SPEN: variants seen among roughly 807,000 people sequenced by gnomAD.
SPEN encodes msx2-interacting protein.
In SPEN, 18 loss-of-function variants were observed where a neutral mutation model predicts 269.9. The ratio of observed to expected loss-of-function variants is 0.07; its 90% CI spans 0.05 to 0.10. SPEN has a LOEUF of 0.10. SPEN is among the 10% of genes least tolerant of loss of function. The pLI is 1.00. For synonymous variants in SPEN, 1,726 were observed against 1,765.7 expected (o/e 0.98, Z 0.56); for missense variants, 3,822 against 4,631.2 (o/e 0.83, Z 5.07).
chr1:15,881,132 G>A (rs2070683616), intron 3 of SPEN, among the ~76,000 whole-genome samples: 1 of 152,056 alleles, frequency 6.6e-6, no homozygotes, highest in South Asian at 2.1e-4. Context: ...CTTACACCTT[G>A]CTAATTTTTA....
rs1227610893 is a variant in SPEN at position 15,936,255 on chromosome 1, A to G, written c.10015A>G (p.Thr3339Ala). The stretch of plus-strand genomic sequence containing the variant: ...TGTTGGCCTGCCTTCCCGGACCAAG[A>G]CAGCTGCTCAGGTGAGCCAGCCAGG... The part of the protein sequence containing the change: ...SSVGLPSRTK[T>A]AAQGPPPEGE... The change falls in exon 11 of 15, where the codon ACA (threonine) becomes GCA (alanine). Residue 3339 changes from threonine to alanine, a missense_variant. This residue lies in a region of SPEN where 359 missense variants were observed against 377.3 expected (regional missense o/e 0.95). Coordinates refer to ENST00000375759, the MANE Select transcript of SPEN (RefSeq NM_015001.3). 3.9e-6 allele frequency: 6 copies of G among 1,545,876 alleles called. No individual in the cohort carries two copies. Among genetic ancestry groups the G allele is most frequent in the Non-Finnish European group, 3.5e-6 (4 of 1,138,086 alleles).
chr1:15,860,899 C>CTTTTG (rs768720695), intron 1 of SPEN, among the ~76,000 whole-genome samples: 10 of 151,450 alleles, frequency 6.6e-5, no homozygotes, highest in Non-Finnish European at 1.2e-4. Context: ...TGTGCCCGGA[C>CTTTTG]TTTTGTTTTG....
At chr1:15,916,096 CT>C (rs1265219425) in intron 5 of SPEN, 31 bp from the exon 6 acceptor site, 6 of 1,584,434 alleles carry the variant, frequency 3.8e-6, no homozygotes, top group Non-Finnish European at 5.1e-6. Flanking sequence ...ATACTGTCTT[CT>C]CTTTTTACTC....
intron 3 of SPEN, among the ~76,000 whole-genome samples, chr1:15,904,988 A>G (rs993155610): frequency 6.0e-5 from 9 of 150,488 alleles, no homozygotes; most frequent in Non-Finnish European, 1.3e-4. Context: ...TCTTGGGTTC[A>G]AGTGATTCTC....
intron 2 of SPEN, 64 bp downstream of exon 2, chr1:15,873,200 T>C: frequency 5.3e-6 from 8 of 1,498,114 alleles, no homozygotes; most frequent in South Asian, 4.1e-5. Flanking sequence ...CAGAAACTCA[T>C]ATTTAGGGGC....
chr1:15,867,018 A>G (rs981846426), intron 1 of SPEN, among the ~76,000 whole-genome samples: 1 of 152,208 alleles, frequency 6.6e-6, no homozygotes, highest in Non-Finnish European at 1.5e-5. Flanking sequence ...AAATTTACCC[A>G]TTTAAAGTAT....
At chr1:15,892,146 G>A (rs61782228) in intron 3 of SPEN, among the ~76,000 whole-genome samples, 4 of 148,882 alleles carry the variant, frequency 2.7e-5, no homozygotes, top group Non-Finnish European at 4.4e-5. Context: ...TCAGCCTCCC[G>A]AGTAGCTGGG....
rs768292380 is a variant in SPEN at position 15,929,595 on chromosome 1, T to C, written c.3355T>C (p.Leu1119=). 5 of 1,614,086 alleles carry C rather than the reference T, an allele frequency of 3.1e-6. No individual in the cohort carries two copies. Among genetic ancestry groups the C allele is most frequent in the Non-Finnish European group, 4.2e-6 (5 of 1,179,984 alleles). The change falls in exon 11 of 15, where the codon TTA becomes CTA. Residue 1119 remains leucine, a synonymous_variant. Transcript: ENST00000375759. The surrounding 1 kb of genome is among the most constrained non-coding windows in gnomAD (Gnocchi z 5.8). The part of the protein sequence containing the change: ...SKPQLKQLQV[L]DDQGPEREDV... Reference sequence around the variant, plus strand: ...ACCACAGCTCAAACAGCTGCAGGTATTAGATGATCAAGGACCAGAGAGAGA... The same window carrying C: ...ACCACAGCTCAAACAGCTGCAGGTACTAGATGATCAAGGACCAGAGAGAGA...
Position 15,937,449 on chromosome 1 carries a change from C to G in SPEN, c.10313C>G (p.Ser3438Cys), listed in dbSNP as rs1557763908. 6.2e-7 allele frequency: 1 copy of G among 1,613,882 alleles called. No individual in the cohort carries two copies. Among genetic ancestry groups the G allele is most frequent in the Non-Finnish European group, 8.5e-7 (1 of 1,180,018 alleles). Reference sequence around the variant, plus strand: ...TCCTTCCCCTCCCCTGTGTCTGTCTCCATGAAGCCTGACCTTCCAGTCTCT... The same window carrying G: ...TCCTTCCCCTCCCCTGTGTCTGTCTGCATGAAGCCTGACCTTCCAGTCTCT... The part of the protein sequence containing the change: ...PTSFPSPVSV[S>C]MKPDLPVSLP... Residue 3438 changes from serine to cysteine, a missense_variant, in exon 12 of 15, where the codon TCC becomes TGC. By Grantham distance (112) the Ser-to-Cys change is moderately radical. Around this residue, in one of 16 missense-constraint regions of SPEN, gnomAD observed 359 missense variants for 377.3 expected, o/e 0.95. Coordinates refer to ENST00000375759, the MANE Select transcript of SPEN (RefSeq NM_015001.3). This position sits in a 1 kb window ranked among gnomAD's most constrained non-coding sequence, Gnocchi z 5.7.
chr1:15,927,670 C>G (rs76461794), intron 10 of SPEN, among the ~76,000 whole-genome samples: 260 of 152,082 alleles, frequency 1.7e-3, no homozygotes, highest in African/African-American at 6.1e-3. Context: ...GCCGGAGTTA[C>G]CAGAAACATT....
In SPEN at chr1:15,937,572, A is replaced by G. The variant is rs368713410; in HGVS notation, c.10436A>G (p.Gln3479Arg). 4.6e-5 allele frequency: 74 copies of G among 1,614,026 alleles called. No homozygotes were observed. Among genetic ancestry groups the G allele is most frequent in the Admixed American group, 8.3e-5 (5 of 60,002 alleles). The change falls in exon 12 of 15, where the codon CAG becomes CGG. Residue 3479 changes from glutamine (Q) to arginine (R), a missense_variant. Coordinates refer to ENST00000375759, the MANE Select transcript of SPEN (RefSeq NM_015001.3). The surrounding 1 kb of genome is among the most constrained non-coding windows in gnomAD (Gnocchi z 5.7). ...CTGGTTCTGCCACACACTGAATTCC[A>G]GCCAGCCCCCAAACAAGATTCCTCT... Reference protein sequence around the residue: ...PGLVLPHTEFQPAPKQDSSPH... With the variant: ...PGLVLPHTEFRPAPKQDSSPH...
Position 15,931,309 on chromosome 1 carries a change from C to T in SPEN, c.5069C>T (p.Ala1690Val), listed in dbSNP as rs1394638881. The T allele has an allele frequency of 6.2e-7, 1 of 1,614,172 alleles. No individual in the cohort carries two copies. The highest frequency in any genetic ancestry group is 1.7e-5 in the Admixed American group (1 of 60,026). ...GAAGCAAAGCCTGCATCTGAACCTG[C>T]TCCTGCCCCTGTGGAACAGCTGGAA... is the stretch of plus-strand genomic sequence containing the variant. Reference protein sequence around the residue: ...SEEAKPASEPAPAPVEQLEQV... With the variant: ...SEEAKPASEPVPAPVEQLEQV... Residue 1690 changes from alanine to valine, a missense_variant, in exon 11 of 15, where the codon GCT becomes GTT. Physicochemically the swap from Ala to Val is moderately conservative, Grantham distance 64. Coordinates refer to ENST00000375759, the MANE Select transcript of SPEN (RefSeq NM_015001.3). The surrounding 1 kb of genome is among the most constrained non-coding windows in gnomAD (Gnocchi z 4.8).
intron 3 of SPEN, among the ~76,000 whole-genome samples, chr1:15,898,558 C>CTTTTTTTTTTTTTTTTTTT (rs375319827): frequency 7.6e-6 from 1 of 131,976 alleles, no homozygotes. Flanking sequence ...TTCTTTTTTT[C>CTTTTTTTTTTTTTTTTTTT]TTTTTTTTTT....
chr1:15,861,150 T>G (rs2070444109), intron 1 of SPEN, among the ~76,000 whole-genome samples: 1 of 151,440 alleles, frequency 6.6e-6, no homozygotes, highest in Admixed American at 6.6e-5. Context: ...TTTTTTTTTT[T>G]GAGACGGAAT....
intron 3 of SPEN, among the ~76,000 whole-genome samples, chr1:15,905,027 T>TACAC (rs148136492): frequency 6.6e-6 from 1 of 150,492 alleles, no homozygotes; most frequent in African/African-American, 2.4e-5. Context: ...TAGCTGGGAT[T>TACAC]ACACACACAC....
chr1:15,895,691 T>TG (rs1354619650), intron 3 of SPEN, among the ~76,000 whole-genome samples: 46 of 150,682 alleles, frequency 3.1e-4, no homozygotes, highest in Non-Finnish European at 5.9e-4. Context: ...TTTTTTTTTT[T>TG]TTTTTTGGAG....
In SPEN at chr1:15,939,375, C is replaced by G. The variant is rs371461084; in HGVS notation, c.10943C>G (p.Ala3648Gly). ...HLSRLAPDLLASISNISPHLM... is the reference protein window; with the variant it reads ...HLSRLAPDLLGSISNISPHLM... ...TCCCGCCTGGCCCCTGACCTCCTTG[C>G]CAGCATCTCCAACATCTCTCCCCAC... Residue 3648 changes from alanine to glycine, a missense_variant, in exon 15 of 15, where the codon GCC becomes GGC. Physicochemically the swap from Ala to Gly is moderately conservative, Grantham distance 60. Coordinates refer to ENST00000375759, the MANE Select transcript of SPEN (RefSeq NM_015001.3). The surrounding 1 kb of genome is among the most constrained non-coding windows in gnomAD (Gnocchi z 4.1). The G allele has an allele frequency of 1.9e-6, 3 of 1,606,290 alleles. No homozygotes were observed. The African/African-American group carries it at 4.0e-5, about 22-fold the overall frequency.
chr1:15,902,668 T>G (rs1290451181), intron 3 of SPEN, among the ~76,000 whole-genome samples: 1 of 152,026 alleles, frequency 6.6e-6, no homozygotes, highest in African/African-American at 2.4e-5. Flanking sequence ...TAAATAAAAG[T>G]TAAAATAAAA....
In SPEN at chr1:15,939,376, C is replaced by T; in HGVS notation, c.10944C>T (p.Ala3648=). The change falls in exon 15 of 15, where the codon GCC becomes GCT. Residue 3648 remains alanine, a synonymous_variant. Coordinates refer to ENST00000375759, the MANE Select transcript of SPEN (RefSeq NM_015001.3). The surrounding 1 kb of genome is among the most constrained non-coding windows in gnomAD (Gnocchi z 4.1). ...HLSRLAPDLL[A]SISNISPHLM... ...CCCGCCTGGCCCCTGACCTCCTTGC[C>T]AGCATCTCCAACATCTCTCCCCACC... 6.2e-7 allele frequency: 1 copy of T among 1,606,630 alleles called. No homozygotes were observed. The highest frequency in any genetic ancestry group is 8.5e-7 in the Non-Finnish European group (1 of 1,176,490).
Sources: gnomAD v4.1 joint callset for allele counts (sites outside exome capture counted in the v4.1 genomes callset) on GRCh38, gnomAD v4.1.1 for gene constraint, gnomAD v4.1.1 regional missense constraint, Gnocchi (gnomAD v3.1) non-coding constraint, MANE v1.5 for transcripts, NCBI Gene and HGNC (gene_info 2026-07-23, HGNC 2026-07-21) for gene names.